NKD2: variants seen among roughly 807,000 people sequenced by gnomAD.
The protein encoded by NKD2 is NKD inhibitor of Wnt signaling pathway 2, also known as protein naked cuticle homolog 2.
A neutral mutation model predicts 34.8 loss-of-function variants in NKD2; 43 were observed. The observed-to-expected ratio is 1.24, with a 90% CI of 0.97 to 1.60. NKD2 has a LOEUF of 1.60. Ranked by LOEUF, NKD2 falls within the 40% of genes most tolerant of loss-of-function variation. NKD2 has a pLI of 0.00. For missense variants in NKD2, 675 were observed against 627.1 expected, an observed-to-expected ratio of 1.08 and a Z score of -0.82; for synonymous variants, 278 against 265.1, an observed-to-expected ratio of 1.05 and a Z score of -0.47.
rs573800761 is a variant in NKD2 at position 1,038,391 on chromosome 5, C to T, written c.*18C>T. 5.9e-6 allele frequency: 9 copies of T among 1,535,894 alleles called. No individual in the cohort carries two copies. The highest frequency in any genetic ancestry group is 7.8e-6 in the Non-Finnish European group (9 of 1,146,824). ...CGTCCTAGCGCCACTGCCAAGCACA[C>T]CTCGCTCCCAGCACACCACAGCCCG... On this transcript the variant is annotated 3_prime_UTR_variant, in exon 10 of 10. Transcript: ENST00000296849. This position sits in a 1 kb window ranked among gnomAD's most constrained non-coding sequence, Gnocchi z 4.5.
intron 3 of NKD2, among the ~76,000 whole-genome samples, chr5:1,028,761 A>G (rs6876150): frequency 0.53 from 79,450 of 149,280 alleles, 20,947 homozygotes; most frequent in East Asian, 0.64. Context: ...GGGTCTCGCT[A>G]GGGACAGGGC....
chr5:1,037,681 C>T (rs901466475), intron 9 of NKD2, 124 bp from the exon 10 acceptor site: 4 of 1,537,604 alleles, frequency 2.6e-6, no homozygotes, highest in South Asian at 2.4e-5. Context: ...GCAGACTTGG[C>T]TAACAGACTG....
At chr5:1,033,641 C>A in intron 5 of NKD2, 142 bp downstream of exon 5, 1 of 1,078,130 alleles carries the variant, frequency 9.3e-7, no homozygotes. Context: ...CCGTTTAAGG[C>A]ATTGAAGCAG....
rs1280211339 is a variant in NKD2 at position 1,037,999 on chromosome 5, A to G, written c.982A>G (p.Lys328Glu). 9 of 1,607,438 alleles carry G rather than the reference A, an allele frequency of 5.6e-6. No individual in the cohort carries two copies. Among genetic ancestry groups the G allele is most frequent in the Non-Finnish European group, 7.6e-6 (9 of 1,178,420 alleles). Residue 328 changes from lysine (K) to glutamate (E), a missense_variant, in exon 10 of 10, where the codon AAG (lysine) becomes GAG (glutamate). By Grantham distance (56) the Lys-to-Glu change is moderately conservative. Transcript: ENST00000296849. ...DTQPRPKGPE[K>E]QFLKSPKGSG... ...GCAGCCCCGGCCGAAGGGGCCGGAG[A>G]AGCAGTTCCTCAAGTCCCCCAAGGG...
At chr5:1,035,745 CACT>C (rs1561000061) in intron 8 of NKD2, 13 of 508,308 alleles carry the variant, frequency 2.6e-5, no homozygotes, top group Admixed American at 7.3e-5. Flanking sequence ...TGCTGTGGCT[CACT>C]GTGGCTCCCT....
chr5:1,017,139 A>G (rs901843612), intron 3 of NKD2, among the ~76,000 whole-genome samples: 17 of 152,196 alleles, frequency 1.1e-4, no homozygotes, highest in African/African-American at 3.1e-4. Flanking sequence ...GTGCCTGGAC[A>G]TGGTGCAAAG....
chr5:1,034,691 G>A, intron 6 of NKD2, 65 bp from the exon 7 acceptor site: 1 of 1,536,170 alleles, frequency 6.5e-7, no homozygotes, highest in Non-Finnish European at 8.9e-7. Flanking sequence ...TGTGTTTTCT[G>A]GCAGGGAGGG....
At chr5:1,013,783 G>T (rs953729145) in intron 3 of NKD2, among the ~76,000 whole-genome samples, 14 of 152,214 alleles carry the variant, frequency 9.2e-5, no homozygotes, top group African/African-American at 3.1e-4. Context: ...CATGGTGGAG[G>T]CCGGAGGCTG....
rs143147967 is a variant in NKD2, at chr5:1,038,375, G to T, written c.*2G>T. 1.3e-6 allele frequency: 2 copies of T among 1,535,598 alleles called. No homozygotes were observed. The highest frequency in any genetic ancestry group is 2.4e-5 in the South Asian group (2 of 84,032). On this transcript the variant is annotated 3_prime_UTR_variant, in exon 10 of 10. Transcript: ENST00000296849. This position sits in a 1 kb window ranked among gnomAD's most constrained non-coding sequence, Gnocchi z 4.5. ...CACCACCACTTCCACCCGTCCTAGCGCCACTGCCAAGCACACCTCGCTCCC... is the reference window on the plus strand; with the variant it reads ...CACCACCACTTCCACCCGTCCTAGCTCCACTGCCAAGCACACCTCGCTCCC...
intron 3 of NKD2, among the ~76,000 whole-genome samples, chr5:1,016,737 C>G (rs1168443058): frequency 2.0e-5 from 3 of 152,204 alleles, no homozygotes; most frequent in Non-Finnish European, 4.4e-5. Context: ...GGATGTACTT[C>G]CAGGACGAGG....
chr5:1,035,498 G>T, intron 8 of NKD2, 25 bp downstream of exon 8: 1 of 1,539,908 alleles, frequency 6.5e-7, no homozygotes, highest in Non-Finnish European at 8.8e-7. Flanking sequence ...GCCAGGGTGG[G>T]GCTGTGCCTT....
At chr5:1,035,619 G>A in intron 8 of NKD2, 146 bp downstream of exon 8, 1 of 651,858 alleles carries the variant, frequency 1.5e-6, no homozygotes, top group East Asian at 2.8e-5. Context: ...CAGCTCTGTG[G>A]GGCATGGGCC....
chr5:1,035,787 A>G (rs978767762), intron 8 of NKD2: 12 of 427,472 alleles, frequency 2.8e-5, no homozygotes, highest in Admixed American at 1.6e-4. Context: ...TTTGGGGGCA[A>G]CAGGGCTGGG....
intron 3 of NKD2, among the ~76,000 whole-genome samples, chr5:1,015,760 AC>A (rs1755925994): frequency 6.6e-6 from 1 of 152,088 alleles, no homozygotes; most frequent in South Asian, 2.1e-4. Flanking sequence ...CATGTGTGGA[AC>A]CCGAGGGGGC....
In NKD2 at chr5:1,034,888, C is replaced by T. The variant is rs758793281; in HGVS notation, c.559C>T (p.Pro187Ser). 6.2e-7 allele frequency: 1 copy of T among 1,610,402 alleles called. No homozygotes were observed. Among genetic ancestry groups the T allele is most frequent in the East Asian group, 2.2e-5 (1 of 44,828 alleles). The change falls in exon 7 of 10, where the codon CCT becomes TCT. Residue 187 changes from proline (P) to serine (S), a missense_variant. Transcript: ENST00000296849. ...GCCCTCCAGCAAGAGGAAGGAGGGT[C>T]CTCCTGCTGGCCAGGGTGAGTGAGG... ...PEPSSKRKEG[P>S]PAGQDREPTR...
chr5:1,034,403 G>A (rs1416750310), intron 6 of NKD2, 73 bp downstream of exon 6: 12 of 1,264,782 alleles, frequency 9.5e-6, no homozygotes, highest in East Asian at 2.4e-5. Flanking sequence ...CTGGCCTCGC[G>A]ATACCTCAGG....
intron 3 of NKD2, among the ~76,000 whole-genome samples, chr5:1,013,043 A>G (rs546239131): frequency 1.3e-5 from 2 of 152,324 alleles, no homozygotes; most frequent in Non-Finnish European, 2.9e-5. Context: ...GGCAGTGTGG[A>G]CCATACTCTG....
chr5:1,033,536 C>T (rs1560997441), intron 5 of NKD2, 37 bp downstream of exon 5: 3 of 1,526,022 alleles, frequency 2.0e-6, no homozygotes, highest in South Asian at 1.2e-5. Context: ...GGGAACACGT[C>T]CCTGGGGCCG....
At chr5:1,028,542 G>T (rs1424062358) in intron 3 of NKD2, among the ~76,000 whole-genome samples, 2 of 152,088 alleles carry the variant, frequency 1.3e-5, no homozygotes, top group African/African-American at 4.8e-5. Context: ...GGGGCCAGGA[G>T]AGCCCCCGGC....
Sources: gnomAD v4.1 joint callset for allele counts (sites outside exome capture counted in the v4.1 genomes callset) on GRCh38, gnomAD v4.1.1 for gene constraint, Gnocchi (gnomAD v3.1) non-coding constraint, MANE v1.5 for transcripts, NCBI Gene and HGNC (gene_info 2026-07-23, HGNC 2026-07-21) for gene names.